The following INTS8 variants were observed in gnomAD, a reference collection of about 807,000 sequenced individuals.
The protein encoded by INTS8 is protein kaonashi-1.
A neutral mutation model predicts 138.9 loss-of-function variants in INTS8; 47 were observed. That is an observed-to-expected ratio of 0.34 (90% confidence interval 0.27 to 0.43). The LOEUF is 0.43. Ranked by LOEUF, INTS8 falls within the 20% of genes least tolerant of loss-of-function variation. INTS8 has a pLI of 1.00. For missense variants in INTS8, 996 were observed against 1,173.0 expected (o/e 0.85, Z 2.20); for synonymous variants, 392 against 400.9 (o/e 0.98, Z 0.27).
In INTS8 at chr8:94,856,800, C is replaced by G; in HGVS notation, c.1776C>G (p.Leu592=). ...TVKDFSHAKQ[L]FAACLELVTE... ...AGGACTTTTCCCATGCTAAACAGCT[C>G]TTTGCTGCTTGTTTGGAGTTGGTAA... Residue 592 remains leucine (L), a synonymous_variant, in exon 15 of 27, where the codon CTC becomes CTG. Coordinates refer to ENST00000523731, the MANE Select transcript of INTS8 (RefSeq NM_017864.4). 1.9e-6 allele frequency: 3 copies of G among 1,614,132 alleles called. No individual in the cohort carries two copies. Among genetic ancestry groups the G allele is most frequent in the Non-Finnish European group, 2.5e-6 (3 of 1,180,020 alleles).
At chr8:94,874,701 A>G in intron 23 of INTS8, 99 bp downstream of exon 23, 1 of 698,832 alleles carries the variant, frequency 1.4e-6, no homozygotes, top group South Asian at 1.8e-5. Flanking sequence ...TATTTTCCAT[A>G]TCAAAATCAC....
chr8:94,867,100 A>G (rs1816204849), intron 18 of INTS8, 40 bp from the exon 19 acceptor site: 1 of 1,431,384 alleles, frequency 7.0e-7, no homozygotes, highest in South Asian at 1.2e-5. Context: ...AAATAAATAT[A>G]CATACACTGT....
chr8:94,877,834 G>A (rs1000733174), intron 26 of INTS8, among the ~76,000 whole-genome samples: 3 of 152,120 alleles, frequency 2.0e-5, no homozygotes, highest in Non-Finnish European at 4.4e-5. Flanking sequence ...AGCCCCTCAC[G>A]ATCAGTGGGA....
rs374821233 is a variant in INTS8 at position 94,845,557 on chromosome 8, C to T, written c.1260+3069C>T. 2.6e-5 allele frequency among the ~76,000 whole-genome samples: 4 copies of T among 152,100 alleles called. No homozygotes were observed. In the East Asian group the frequency reaches 7.7e-4, roughly 29 times the overall value. ...GGCTCACTGCAACCTCCGCCTCCCG[C>T]GTTCAAGTGACTCTTCTGTGTCAGC... On this transcript the variant is annotated intron_variant, in intron 10 of 26. Coordinates refer to ENST00000523731, the MANE Select transcript of INTS8 (RefSeq NM_017864.4).
chr8:94,879,322 C>T (rs1816698093), intron 26 of INTS8, among the ~76,000 whole-genome samples: 1 of 152,144 alleles, frequency 6.6e-6, no homozygotes, highest in African/African-American at 2.4e-5. Flanking sequence ...AGGCCGGGTG[C>T]AGTGGCTCAC....
At chr8:94,834,966 A>G (rs1299800760) in intron 6 of INTS8, among the ~76,000 whole-genome samples, 2 of 152,218 alleles carry the variant, frequency 1.3e-5, no homozygotes, top group Non-Finnish European at 2.9e-5. Context: ...GCATATTTCT[A>G]GTATCTCATG....
chr8:94,849,056 C>T (rs1815434896), intron 10 of INTS8, among the ~76,000 whole-genome samples: 1 of 151,936 alleles, frequency 6.6e-6, no homozygotes, highest in Non-Finnish European at 1.5e-5. Flanking sequence ...GTTCTATATT[C>T]ATGATAAATC....
intron 5 of INTS8, 151 bp downstream of exon 5, chr8:94,829,177 A>C (rs1814620618): frequency 4.6e-6 from 3 of 653,266 alleles, no homozygotes. Flanking sequence ...GGATGATTTC[A>C]GGATGATTCA....
rs1197361377 is a variant in INTS8, at chr8:94,865,513, A to G, written c.2084A>G (p.Gln695Arg). ...TTGTTTTTCATGTTATAGCTTGGAC[A>G]GCTTTTAGCAGCTACATGCAAAGAA... Reference protein sequence around the residue: ...LQSNPYVKLGQLLAATCKELP... With the variant: ...LQSNPYVKLGRLLAATCKELP... Residue 695 changes from glutamine (Q) to arginine (R), a missense_variant, in exon 17 of 27, where the codon CAG (glutamine) becomes CGG (arginine). By Grantham distance (43) the Gln-to-Arg change is conservative. Transcript: ENST00000523731. The G allele has an allele frequency of 6.2e-7, 1 of 1,612,726 alleles. No homozygotes were observed. Among genetic ancestry groups the G allele is most frequent in the East Asian group, 2.2e-5 (1 of 44,836 alleles).
At chr8:94,841,936 G>T (rs1399035518) in intron 9 of INTS8, among the ~76,000 whole-genome samples, 7 of 152,052 alleles carry the variant, frequency 4.6e-5, no homozygotes, top group African/African-American at 1.7e-4. Flanking sequence ...GGGCATGGTG[G>T]TGCACACCTG....
intron 16 of INTS8, among the ~76,000 whole-genome samples, chr8:94,862,372 A>G (rs1358660894): frequency 6.6e-6 from 1 of 152,214 alleles, no homozygotes; most frequent in East Asian, 1.9e-4. Flanking sequence ...GTTGTGTTCC[A>G]AGGTTACTGT....
chr8:94,836,411 GTT>G, intron 6 of INTS8, 111 bp from the exon 7 acceptor site: 1 of 782,198 alleles, frequency 1.3e-6, no homozygotes, highest in Non-Finnish European at 2.1e-6. Context: ...TGGAATATGT[GTT>G]TTTTTATGTC....
In INTS8 at chr8:94,876,063, T is replaced by C; in HGVS notation, c.2689-11T>C. ...TTACATGAAACCATTTTCAAATCTTTGTTAATGTAGGTGGCCATTTTATGT... is the reference window on the plus strand; with the variant it reads ...TTACATGAAACCATTTTCAAATCTTCGTTAATGTAGGTGGCCATTTTATGT... On this transcript the variant is annotated splice_polypyrimidine_tract_variant and intron_variant, in intron 23 of 26. Coordinates refer to ENST00000523731, the MANE Select transcript of INTS8 (RefSeq NM_017864.4). The C allele has an allele frequency of 4.5e-6, 7 of 1,566,412 alleles. No individual in the cohort carries two copies. Among genetic ancestry groups the C allele is most frequent in the Non-Finnish European group, 6.1e-6 (7 of 1,138,292 alleles).
At chr8:94,847,735 C>T (rs1208466124) in intron 10 of INTS8, among the ~76,000 whole-genome samples, 2 of 152,058 alleles carry the variant, frequency 1.3e-5, no homozygotes, top group African/African-American at 4.8e-5. Context: ...ATTCACATAA[C>T]ATGATCTGTT....
chr8:94,878,430 G>T (rs1816646288), intron 26 of INTS8, among the ~76,000 whole-genome samples: 1 of 152,158 alleles, frequency 6.6e-6, no homozygotes, highest in Non-Finnish European at 1.5e-5. Flanking sequence ...CCTTGTGAGT[G>T]CTAGCTTAAA....
intron 13 of INTS8, among the ~76,000 whole-genome samples, chr8:94,853,181 G>A (rs1015639585): frequency 9.2e-5 from 14 of 152,042 alleles, no homozygotes; most frequent in African/African-American, 2.7e-4. Flanking sequence ...GCATGGTGGC[G>A]CGCACCTGTA....
intron 26 of INTS8, among the ~76,000 whole-genome samples, chr8:94,877,209 T>A (rs1816593934): frequency 6.6e-6 from 1 of 152,180 alleles, no homozygotes; most frequent in South Asian, 2.1e-4. Flanking sequence ...GCCAAAACAT[T>A]TTAAATTGTA....
chr8:94,827,291 C>T lies in INTS8; in HGVS notation c.334C>T (p.Leu112=). 6.2e-7 allele frequency: 1 copy of T among 1,613,260 alleles called. No individual in the cohort carries two copies. Among genetic ancestry groups the T allele is most frequent in the Non-Finnish European group, 8.5e-7 (1 of 1,179,226 alleles). Residue 112 remains leucine, a synonymous_variant, in exon 3 of 27, where the codon CTA becomes TTA. Transcript: ENST00000523731. The part of the protein sequence containing the change: ...SLSVPVLNML[L]NELLCISKVP... ...GTCTGTTCCAGTATTGAATATGCTA[C>T]TAAATGAACTACTCTGCATCAGTAA...
intron 10 of INTS8, among the ~76,000 whole-genome samples, chr8:94,843,014 C>T (rs946276410): frequency 5.3e-5 from 8 of 152,200 alleles, no homozygotes; most frequent in African/African-American, 1.4e-4. Flanking sequence ...CTCTAGAAGC[C>T]TTTGTTGTGG....
Sources: gnomAD v4.1 joint callset for allele counts (sites outside exome capture counted in the v4.1 genomes callset) on GRCh38, gnomAD v4.1.1 for gene constraint, MANE v1.5 for transcripts, NCBI Gene and HGNC (gene_info 2026-07-23, HGNC 2026-07-21) for gene names.